The following BIRC2 variants were observed in gnomAD, a reference collection of about 807,000 sequenced individuals.
BIRC2 encodes baculoviral IAP repeat-containing protein 2.
Under a neutral mutation model 60.9 loss-of-function variants are expected in BIRC2, and 18 were observed. The observed-to-expected ratio is 0.30, with a 90% confidence interval of 0.20 to 0.44. The LOEUF (loss-of-function observed/expected upper bound fraction) is 0.44. Ranked by LOEUF, BIRC2 falls within the 20% of genes least tolerant of loss-of-function variation. BIRC2 has a pLI of 1.00. For missense variants in BIRC2, 701 were observed against 728.5 expected (o/e 0.96, Z 0.43); for synonymous variants, 282 against 247.7 (o/e 1.14, Z -1.30).
intron 3 of BIRC2, among the ~76,000 whole-genome samples, chr11:102,357,680 A>G (rs1305830716): frequency 2.0e-5 from 3 of 152,026 alleles, no homozygotes; most frequent in African/African-American, 4.8e-5. Flanking sequence ...CTTCCTTTTT[A>G]CTAGTCAAAC....
Position 102,349,953 on chromosome 11 carries a change from C to T in BIRC2, c.99C>T (p.Asn33=), listed in dbSNP as rs561590437. Reference sequence around the variant, plus strand: ...GCACGATCTTGTCAGATTGGACAAACAGCAACAAACAAAAAATGAAGTATG... The same window carrying T: ...GCACGATCTTGTCAGATTGGACAAATAGCAACAAACAAAAAATGAAGTATG... ...EDSTILSDWT[N]SNKQKMKYDF... is the part of the protein sequence containing the mutation. Residue 33 remains asparagine (N), a synonymous_variant, in exon 2 of 9, where the codon AAC becomes AAT. Coordinates refer to ENST00000227758, the MANE Select transcript of BIRC2 (RefSeq NM_001166.5). 1 of 1,614,060 alleles carries T rather than the reference C, an allele frequency of 6.2e-7. No individual in the cohort carries two copies. The highest frequency in any genetic ancestry group is 1.3e-5 in the African/African-American group (1 of 74,914).
chr11:102,355,866 T>G (rs1464156691), intron 3 of BIRC2, among the ~76,000 whole-genome samples: 1 of 152,212 alleles, frequency 6.6e-6, no homozygotes, highest in Non-Finnish European at 1.5e-5. Flanking sequence ...TTTTATTGTT[T>G]TGGTGCTGTT....
At chr11:102,373,092 G>A (rs1270636350) in intron 6 of BIRC2, among the ~76,000 whole-genome samples, 5 of 150,204 alleles carry the variant, frequency 3.3e-5, no homozygotes, top group African/African-American at 1.2e-4. Context: ...CCTGAATACA[G>A]CACACTGATG....
chr11:102,350,324 C>T lies in BIRC2; in HGVS notation c.470C>T (p.Ser157Phe). Residue 157 changes from serine (S) to phenylalanine (F), a missense_variant, in exon 2 of 9, where the codon TCT (serine) becomes TTT (phenylalanine). This residue lies in a region of BIRC2 where 375 missense variants were observed against 365.9 expected (regional missense o/e 1.02). Transcript: ENST00000227758. The part of the protein sequence containing the change: ...SLFSGSYSSL[S>F]PNPLNSRAVE... ...TTCAGTGGTTCTTACTCCAGCCTTTCTCCAAACCCTCTTAATTCTAGAGCA... is the reference window on the plus strand; with the variant it reads ...TTCAGTGGTTCTTACTCCAGCCTTTTTCCAAACCCTCTTAATTCTAGAGCA... The T allele has an allele frequency of 6.2e-7, 1 of 1,614,244 alleles. No individual in the cohort carries two copies. Among genetic ancestry groups the T allele is most frequent in the Non-Finnish European group, 8.5e-7 (1 of 1,180,040 alleles).
At position 102,347,222 on chromosome 11, in the gene BIRC2, T is replaced by A. The variant is rs1951301513; in HGVS notation, c.-1412T>A. 1 of 152,246 alleles carries A rather than the reference T, an allele frequency of 6.6e-6. No individual in the cohort carries two copies. The highest frequency in any genetic ancestry group is 2.1e-4 in the South Asian group (1 of 4,836). The allele number at this position is 152,246 out of a possible 1,614,324, so 9.4% of individuals were successfully genotyped here. ...CCGGGCGCGCTGACGTCATCGTGCGTCAGAGTGAGCCCGGATGGGGCGGCG... is the reference window on the plus strand; with the variant it reads ...CCGGGCGCGCTGACGTCATCGTGCGACAGAGTGAGCCCGGATGGGGCGGCG... On this transcript the variant is annotated 5_prime_UTR_variant, in exon 1 of 9. Coordinates refer to ENST00000227758, the MANE Select transcript of BIRC2 (RefSeq NM_001166.5).
chr11:102,352,345 A>C (rs1175887488), intron 3 of BIRC2, among the ~76,000 whole-genome samples: 1 of 151,458 alleles, frequency 6.6e-6, no homozygotes, highest in African/African-American at 2.4e-5. Context: ...CGATCTCCTG[A>C]CCTCGTGATC....
At chr11:102,369,308 TC>T (rs1320264529) in intron 6 of BIRC2, among the ~76,000 whole-genome samples, 1 of 87,064 alleles carries the variant, frequency 1.1e-5, no homozygotes, top group South Asian at 4.9e-4. Context: ...ATGCTATCCC[TC>T]CCCCCTCCCC....
At position 102,377,764 on chromosome 11, in the gene BIRC2, G is replaced by T. The variant is rs766290662; in HGVS notation, c.1621+14G>T. The T allele has an allele frequency of 6.3e-7, 1 of 1,592,908 alleles. No individual in the cohort carries two copies. The highest frequency in any genetic ancestry group is 8.5e-7 in the Non-Finnish European group (1 of 1,175,370). ...AGAACTTATTTGGTGAGTTTGTTGG[G>T]AAAATTATTTTAGAAATTCTTAGGA... On this transcript the variant is annotated intron_variant, in intron 7 of 8. Coordinates refer to ENST00000227758, the MANE Select transcript of BIRC2 (RefSeq NM_001166.5).
At chr11:102,358,862 T>C (rs1339486356) in intron 3 of BIRC2, among the ~76,000 whole-genome samples, 1 of 152,222 alleles carries the variant, frequency 6.6e-6, no homozygotes, top group Admixed American at 6.5e-5. Context: ...TAAAGGTGAA[T>C]TGAGTCTCTT....
chr11:102,359,319 T>G (rs1951458479), intron 3 of BIRC2, among the ~76,000 whole-genome samples: 1 of 152,232 alleles, frequency 6.6e-6, no homozygotes, highest in Non-Finnish European at 1.5e-5. Context: ...TTATTGAAGC[T>G]ATAGTTATTT....
intron 6 of BIRC2, among the ~76,000 whole-genome samples, chr11:102,373,714 T>G (rs1244760076): frequency 1.3e-5 from 2 of 151,020 alleles, no homozygotes; most frequent in East Asian, 3.9e-4. Context: ...AACGTTGGCC[T>G]GCCTTGCTAG....
chr11:102,363,446 C>T (rs1951507574), intron 4 of BIRC2, among the ~76,000 whole-genome samples: 1 of 152,122 alleles, frequency 6.6e-6, no homozygotes, highest in African/African-American at 2.4e-5. Context: ...CATTTTTCTA[C>T]TTTCCTGAAA....
chr11:102,359,976 T>C (rs1396775815), intron 3 of BIRC2, among the ~76,000 whole-genome samples: 1 of 144,558 alleles, frequency 6.9e-6, no homozygotes, highest in Admixed American at 6.8e-5. Flanking sequence ...TTTTCTTGGG[T>C]TTTTTTTTTT....
intron 6 of BIRC2, among the ~76,000 whole-genome samples, chr11:102,372,654 G>A (rs1275387660): frequency 3.6e-5 from 5 of 140,104 alleles, no homozygotes; most frequent in Admixed American, 2.9e-4. Flanking sequence ...TTGATTTGGG[G>A]TGGAGAGTTC....
At chr11:102,369,347 A>G (rs1303650739) in intron 6 of BIRC2, among the ~76,000 whole-genome samples, 3 of 128,502 alleles carry the variant, frequency 2.3e-5, no homozygotes, top group African/African-American at 9.0e-5. Flanking sequence ...CCAGAGTGTG[A>G]TATTCCCCTT....
rs375715938 is a variant in BIRC2 at position 102,377,713 on chromosome 11, A to G, written c.1584A>G (p.Leu528=). ...CGGCCAACATCTTCAAAAACTGTCT[A>G]AAAGAAATTGACTCTACATTGTATA... The part of the protein sequence containing the change: ...NAAANIFKNC[L]KEIDSTLYKN... The change falls in exon 7 of 9, where the codon CTA becomes CTG. Residue 528 remains leucine (L), a synonymous_variant. Coordinates refer to ENST00000227758, the MANE Select transcript of BIRC2 (RefSeq NM_001166.5). 5 of 1,607,086 alleles carry G rather than the reference A, an allele frequency of 3.1e-6. No homozygotes were observed. The highest frequency in any genetic ancestry group is 2.7e-5 in the African/African-American group (2 of 74,276).
Position 102,377,686 on chromosome 11 carries a change from T to C in BIRC2, c.1557T>C (p.Ala519=), listed in dbSNP as rs1951730047. ...ATACCATTTTGGTTAAAGGAAATGC[T>C]GCGGCCAACATCTTCAAAAACTGTC... ...LIDTILVKGN[A]AANIFKNCLK... The change falls in exon 7 of 9, where the codon GCT becomes GCC. Residue 519 remains alanine (A), a synonymous_variant. Coordinates refer to ENST00000227758, the MANE Select transcript of BIRC2 (RefSeq NM_001166.5). 5 of 1,611,268 alleles carry C rather than the reference T, an allele frequency of 3.1e-6. No individual in the cohort carries two copies. Among genetic ancestry groups the C allele is most frequent in the Non-Finnish European group, 4.2e-6 (5 of 1,179,396 alleles).
intron 6 of BIRC2, among the ~76,000 whole-genome samples, chr11:102,377,036 C>G (rs1401135978): frequency 2.6e-5 from 4 of 152,100 alleles, no homozygotes; most frequent in African/African-American, 9.7e-5. Flanking sequence ...CTTATTCTTT[C>G]TTGTGATCTT....
chr11:102,349,915 A>C lies in BIRC2; in HGVS notation c.61A>C (p.Ile21Leu). 1 of 1,614,168 alleles carries C rather than the reference A, an allele frequency of 6.2e-7. No individual in the cohort carries two copies. Among genetic ancestry groups the C allele is most frequent in the Non-Finnish European group, 8.5e-7 (1 of 1,179,994 alleles). The change falls in exon 2 of 9, where the codon ATA becomes CTA. Residue 21 changes from isoleucine (I) to leucine (L), a missense_variant. Coordinates refer to ENST00000227758, the MANE Select transcript of BIRC2 (RefSeq NM_001166.5). ...PGPSYQNIKSIMEDSTILSDW... is the reference protein window; with the variant it reads ...PGPSYQNIKSLMEDSTILSDW... ...TCCCTCGTATCAAAACATTAAGAGT[A>C]TAATGGAAGATAGCACGATCTTGTC...
Sources: allele counts gnomAD v4.1 joint callset (sites outside exome capture counted in the v4.1 genomes callset), GRCh38; gene constraint gnomAD v4.1.1; regional missense constraint gnomAD v4.1.1; transcripts MANE v1.5; gene names NCBI Gene and HGNC (gene_info 2026-07-23, HGNC 2026-07-21).